COL26A1: variants seen among roughly 807,000 people sequenced by gnomAD.
The protein encoded by COL26A1 is collagen type XXVI alpha 1 chain.
In COL26A1, 41 loss-of-function variants were observed where a neutral mutation model predicts 59.3. The ratio of observed to expected loss-of-function variants is 0.69; its 90% CI spans 0.54 to 0.90. The LOEUF is 0.90. COL26A1 is among the 40% of genes least tolerant of loss of function. The pLI is 0.00. For synonymous variants in COL26A1, 266 were observed against 256.0 expected (o/e 1.04, Z -0.37); for missense variants, 612 against 602.3 (o/e 1.02, Z -0.17).
intron 1 of COL26A1, among the ~76,000 whole-genome samples, chr7:101,369,607 C>A (rs1791136954): frequency 6.6e-6 from 1 of 150,820 alleles, no homozygotes; most frequent in South Asian, 2.1e-4. Flanking sequence ...CGCCACCACA[C>A]CCGGCTAATA....
chr7:101,452,456 C>T (rs890681709), intron 3 of COL26A1, among the ~76,000 whole-genome samples: 13 of 152,132 alleles, frequency 8.5e-5, no homozygotes, highest in African/African-American at 9.7e-5. Flanking sequence ...ATTTCTTATC[C>T]GATAAACCAC....
intron 3 of COL26A1, among the ~76,000 whole-genome samples, chr7:101,525,543 C>T (rs1307026091): frequency 4.0e-5 from 6 of 149,848 alleles, no homozygotes; most frequent in South Asian, 2.1e-4. Flanking sequence ...GTCACCCAGG[C>T]TGGAGTGCAG....
At chr7:101,555,406 A>G (rs555702951) in intron 11 of COL26A1, among the ~76,000 whole-genome samples, 1 of 152,254 alleles carries the variant, frequency 6.6e-6, no homozygotes, top group East Asian at 1.9e-4. Context: ...GCCCTGGGAT[A>G]GGTGCTCTGT....
At chr7:101,556,931 A>ATG in intron 12 of COL26A1, among the ~76,000 whole-genome samples, 1 of 95,530 alleles carries the variant, frequency 1.0e-5, no homozygotes, top group Non-Finnish European at 2.3e-5. Flanking sequence ...ATGGATGGAT[A>ATG]GATGCATAGA....
intron 4 of COL26A1, among the ~76,000 whole-genome samples, chr7:101,538,633 G>C (rs1795534775): frequency 6.6e-6 from 1 of 152,186 alleles, no homozygotes; most frequent in Non-Finnish European, 1.5e-5. Context: ...CCATAGAGGG[G>C]TGGAGGGGGA....
chr7:101,383,345 A>T (rs992834707), intron 1 of COL26A1, among the ~76,000 whole-genome samples: 4 of 151,192 alleles, frequency 2.6e-5, no homozygotes, highest in Non-Finnish European at 4.4e-5. Flanking sequence ...TTTATTTTTT[A>T]TTTTTATTTT....
At chr7:101,453,766 C>A (rs1793401292) in intron 3 of COL26A1, among the ~76,000 whole-genome samples, 2 of 152,076 alleles carry the variant, frequency 1.3e-5, no homozygotes, top group African/African-American at 4.8e-5. Context: ...CGAATATAAA[C>A]CAATAAAGAC....
At chr7:101,470,460 C>G (rs186771388) in intron 3 of COL26A1, among the ~76,000 whole-genome samples, 1 of 151,862 alleles carries the variant, frequency 6.6e-6, no homozygotes, top group Non-Finnish European at 1.5e-5. Flanking sequence ...TCTTTCTTCT[C>G]TATGTCTGCT....
chr7:101,556,497 GA>G (rs1245627538), intron 12 of COL26A1, among the ~76,000 whole-genome samples: 4 of 152,160 alleles, frequency 2.6e-5, no homozygotes, highest in African/African-American at 9.7e-5. Context: ...ATGAATGAAT[GA>G]ATGAATGAAT....
intron 4 of COL26A1, among the ~76,000 whole-genome samples, chr7:101,539,344 T>TC (rs1491177762): frequency 1.3e-5 from 2 of 150,586 alleles, no homozygotes; most frequent in East Asian, 3.9e-4. Context: ...GCTTTTTTTT[T>TC]CTCTCTCTCT....
At chr7:101,373,605 G>A (rs1791242970) in intron 1 of COL26A1, among the ~76,000 whole-genome samples, 4 of 152,138 alleles carry the variant, frequency 2.6e-5, no homozygotes, top group Admixed American at 2.6e-4. Context: ...CACGTTTGCA[G>A]TTCTGAGGGA....
At chr7:101,368,917 C>A (rs1200962061) in intron 1 of COL26A1, among the ~76,000 whole-genome samples, 149 of 90,814 alleles carry the variant, frequency 1.6e-3, no homozygotes, top group Non-Finnish European at 2.7e-3. Flanking sequence ...TGGCTCTTTC[C>A]AAAAAAAAAA....
chr7:101,533,592 T>A (rs1795415335), intron 4 of COL26A1, among the ~76,000 whole-genome samples: 1 of 151,714 alleles, frequency 6.6e-6, no homozygotes, highest in African/African-American at 2.4e-5. Context: ...CTAAGTGGAG[T>A]CAACCCAGAG....
At chr7:101,459,203 T>A (rs1201475893) in intron 3 of COL26A1, among the ~76,000 whole-genome samples, 1 of 152,178 alleles carries the variant, frequency 6.6e-6, no homozygotes, top group Non-Finnish European at 1.5e-5. Flanking sequence ...CCCGAAGTTG[T>A]CCCAGTACAA....
chr7:101,364,205 T>C (rs1465606709), intron 1 of COL26A1, among the ~76,000 whole-genome samples: 4 of 150,708 alleles, frequency 2.7e-5, no homozygotes, highest in Non-Finnish European at 5.9e-5. Context: ...CAAGTAAAAG[T>C]TGCCAAACGC....
At chr7:101,434,942 C>T (rs972351798) in intron 2 of COL26A1, among the ~76,000 whole-genome samples, 5 of 152,052 alleles carry the variant, frequency 3.3e-5, no homozygotes, top group African/African-American at 1.2e-4. Flanking sequence ...GAGACCTGGT[C>T]CGTGGGTTTC....
chr7:101,371,722 G>A (rs1204527708), intron 1 of COL26A1, among the ~76,000 whole-genome samples: 1 of 152,098 alleles, frequency 6.6e-6, no homozygotes, highest in Non-Finnish European at 1.5e-5. Context: ...AACCCAGGAA[G>A]TTGAAGCTGC....
intron 9 of COL26A1, among the ~76,000 whole-genome samples, chr7:101,550,642 G>T (rs190688201): frequency 2.0e-5 from 3 of 147,416 alleles, no homozygotes; most frequent in Non-Finnish European, 4.4e-5. Context: ...GCTTCGGGAT[G>T]GGGGGCACCA....
At chr7:101,389,619 G>A (rs1014786310) in intron 1 of COL26A1, among the ~76,000 whole-genome samples, 1 of 151,784 alleles carries the variant, frequency 6.6e-6, no homozygotes, top group Non-Finnish European at 1.5e-5. Context: ...GCAATGGCGC[G>A]ATCTTGGCTC....
Sources: gnomAD v4.1 joint callset for allele counts (sites outside exome capture counted in the v4.1 genomes callset) on GRCh38, gnomAD v4.1.1 for gene constraint, MANE v1.5 for transcripts, NCBI Gene and HGNC (gene_info 2026-07-23, HGNC 2026-07-21) for gene names.